SLC26A3: variants seen among roughly 807,000 people sequenced by gnomAD.
SLC26A3 encodes chloride anion exchanger.
Under a neutral mutation model 85.6 loss-of-function variants are expected in SLC26A3, and 64 were observed. That is an observed-to-expected ratio of 0.75 (90% CI 0.61 to 0.92). The LOEUF is 0.92. Ranked by LOEUF, SLC26A3 falls within the 40% of genes least tolerant of loss-of-function variation. The probability of loss-of-function intolerance (pLI) is 0.00; values close to 1 mark genes in which losing one functional copy is unlikely to be tolerated. For synonymous variants in SLC26A3, 349 were observed against 336.0 expected, an observed-to-expected ratio of 1.04 and a Z score of -0.42; for missense variants, 922 against 927.3, an observed-to-expected ratio of 0.99 and a Z score of 0.07.
intron 13 of SLC26A3, 39 bp from the exon 14 acceptor site, chr7:107,776,745 GT>G (rs1368662199): frequency 6.3e-7 from 1 of 1,585,108 alleles, no homozygotes; most frequent in Non-Finnish European, 8.7e-7. Flanking sequence ...ATTCATGTAT[GT>G]TTGTTAAGCC....
At chr7:107,788,743 C>T (rs1010170872) in intron 6 of SLC26A3, among the ~76,000 whole-genome samples, 1 of 147,880 alleles carries the variant, frequency 6.8e-6, no homozygotes, top group South Asian at 2.2e-4. Flanking sequence ...TCTTTTCTTT[C>T]GTTTCCTTTT....
chr7:107,773,777 C>G, intron 17 of SLC26A3, 143 bp downstream of exon 17: 1 of 706,032 alleles, frequency 1.4e-6, no homozygotes, highest in Middle Eastern at 2.8e-4. Context: ...TCTCGAAGTC[C>G]TGACCTCAGG....
intron 11 of SLC26A3, among the ~76,000 whole-genome samples, chr7:107,781,462 A>T (rs1316814132): frequency 6.6e-6 from 1 of 152,164 alleles, no homozygotes; most frequent in Non-Finnish European, 1.5e-5. Flanking sequence ...TTATTTCTTT[A>T]GTGTCTCCAA....
At chr7:107,774,437 TC>T (rs1291207403) in intron 16 of SLC26A3, among the ~76,000 whole-genome samples, 1 of 152,124 alleles carries the variant, frequency 6.6e-6, no homozygotes, top group Non-Finnish European at 1.5e-5. Flanking sequence ...GCTTGTAGTT[TC>T]AGCTACTTGG....
chr7:107,786,986 C>G, intron 7 of SLC26A3, 77 bp from the exon 8 acceptor site: 10 of 1,242,326 alleles, frequency 8.0e-6, no homozygotes, highest in Non-Finnish European at 1.2e-5. Context: ...AATAAATTGC[C>G]AAAACCCACT....
Position 107,789,707 on chromosome 7 carries a change from C to T in SLC26A3, c.571-19G>A. The T allele has an allele frequency of 3.7e-6, 6 of 1,608,608 alleles. No homozygotes were observed. In the South Asian group the frequency reaches 4.4e-5, roughly 12 times the overall value. On this transcript the variant is annotated intron_variant, in intron 5 of 20. Transcript: ENST00000340010. ...AAGCCAACTGGAAAGAGAACAAAAGCCTTTGTCAGCATAGATTAGGAGTAT... is the reference window on the plus strand; with the variant it reads ...AAGCCAACTGGAAAGAGAACAAAAGTCTTTGTCAGCATAGATTAGGAGTAT...
At position 107,778,235 on chromosome 7, in the gene SLC26A3, C is replaced by G. The variant is rs1479983912; in HGVS notation, c.1454G>C (p.Gly485Ala). 1.9e-6 allele frequency: 3 copies of G among 1,613,992 alleles called. No individual in the cohort carries two copies. Among genetic ancestry groups the G allele is most frequent in the Non-Finnish European group, 2.5e-6 (3 of 1,179,960 alleles). ...TGCCACACTAGCTGCCAGGCCTAACCCGAGTCCCAGGACAATGGTGAAGAT... is the reference window on the plus strand; with the variant it reads ...TGCCACACTAGCTGCCAGGCCTAACGCGAGTCCCAGGACAATGGTGAAGAT... ...TFIFTIVLGLGLGLAASVAFQ... is the reference protein window; with the variant it reads ...TFIFTIVLGLALGLAASVAFQ... The change falls in exon 13 of 21, where the codon GGG (glycine) becomes GCG (alanine). Residue 485 changes from glycine (G) to alanine (A), a missense_variant. Physicochemically the swap from Gly to Ala is moderately conservative, Grantham distance 60. Coordinates refer to ENST00000340010, the MANE Select transcript of SLC26A3 (RefSeq NM_000111.3).
chr7:107,787,539 G>A, intron 6 of SLC26A3, 30 bp from the exon 7 acceptor site: 5 of 1,597,052 alleles, frequency 3.1e-6, no homozygotes, highest in Non-Finnish European at 4.3e-6. Flanking sequence ...AACCACCAAA[G>A]CCCTATATTA....
intron 16 of SLC26A3, among the ~76,000 whole-genome samples, 179 bp from the exon 17 acceptor site, chr7:107,774,332 A>G (rs1794075885): frequency 6.6e-6 from 1 of 152,110 alleles, no homozygotes; most frequent in African/African-American, 2.4e-5. Flanking sequence ...TGGGAGGATC[A>G]CTTGAGCCCA....
chr7:107,767,083 C>G (rs1453993541), intron 20 of SLC26A3, among the ~76,000 whole-genome samples: 3 of 152,106 alleles, frequency 2.0e-5, no homozygotes, highest in Non-Finnish European at 4.4e-5. Context: ...AAATGGGACT[C>G]TCCAGTTAAA....
intron 20 of SLC26A3, among the ~76,000 whole-genome samples, chr7:107,766,358 C>T (rs1271424232): frequency 6.6e-6 from 1 of 152,156 alleles, no homozygotes; most frequent in African/African-American, 2.4e-5. Flanking sequence ...TACCCTTTAT[C>T]CTCCAATACT....
At position 107,785,894 on chromosome 7, in the gene SLC26A3, AAAAAC is replaced by A. The variant is rs531907273; in HGVS notation, c.971+928_971+932del. On this transcript the variant is annotated intron_variant, in intron 8 of 20. Transcript: ENST00000340010. ...ATAGAGAGGGAGAGAAGTCTTTTAA[AAAAAC>A]AAAACAAAACAAAACAAAACAGGAA... 3.2e-3 allele frequency among the ~76,000 whole-genome samples: 485 copies of A among 152,326 alleles called. 5 individuals carry two copies. The highest frequency in any genetic ancestry group is 4.6e-3 in the South Asian group (22 of 4,822).
intron 1 of SLC26A3, among the ~76,000 whole-genome samples, chr7:107,798,414 A>C (rs1794546340): frequency 6.6e-6 from 1 of 152,094 alleles, no homozygotes; most frequent in African/African-American, 2.4e-5. Flanking sequence ...ACTGGCCTCC[A>C]GTTACGAGAA....
intron 1 of SLC26A3, among the ~76,000 whole-genome samples, chr7:107,800,250 G>A (rs531301272): frequency 1.3e-5 from 2 of 152,294 alleles, no homozygotes; most frequent in South Asian, 2.1e-4. Flanking sequence ...ATTTTGGCAC[G>A]TTGGGAGACT....
At chr7:107,779,898 G>T in intron 11 of SLC26A3, 135 bp from the exon 12 acceptor site, 1 of 747,718 alleles carries the variant, frequency 1.3e-6, no homozygotes, top group Non-Finnish European at 2.3e-6. Flanking sequence ...CTTTTCCGGT[G>T]TGCGATGCCA....
rs890414709 is a variant in SLC26A3, at chr7:107,793,221, C to T, written c.271+521G>A. On this transcript the variant is annotated intron_variant, in intron 3 of 20. Transcript: ENST00000340010. ...AATATAGAGTTACCCTATGATCCAG[C>T]AATTACAATCCTAGTGATATACCCA... 1.5e-4 allele frequency among the ~76,000 whole-genome samples: 23 copies of T among 152,272 alleles called. No individual in the cohort carries two copies. In the Middle Eastern group the frequency reaches 0.01, roughly 68 times the overall value.
At chr7:107,780,110 G>A (rs545772053) in intron 11 of SLC26A3, among the ~76,000 whole-genome samples, 67 of 151,904 alleles carry the variant, frequency 4.4e-4, no homozygotes, top group African/African-American at 1.6e-3. Context: ...CCCAAGCAGA[G>A]ACAGTCTAAT....
chr7:107,774,833 T>A lies in SLC26A3; in HGVS notation c.1717A>T (p.Lys573Ter). 6.2e-7 allele frequency: 1 copy of A among 1,614,204 alleles called. No homozygotes were observed. Among genetic ancestry groups the A allele is most frequent in the South Asian group, 1.1e-5 (1 of 91,090 alleles). The change falls in exon 16 of 21, where the codon AAA becomes TAA. Residue 573 changes from lysine (K) to a stop codon, truncating the protein, a stop_gained. Transcript: ENST00000340010. LOFTEE classifies it high-confidence loss of function. ...AGTTTTCGGATTTTCCTCAAAGCTTTGTTGCGCTTGCGTAGAATTCGAAGT... is the reference window on the plus strand; with the variant it reads ...AGTTTTCGGATTTTCCTCAAAGCTTAGTTGCGCTTGCGTAGAATTCGAAGT... ...SPLRILRKRN[K>*]ALRKIRKLQK...
chr7:107,778,466 G>A (rs2115828441), intron 12 of SLC26A3, among the ~76,000 whole-genome samples, 185 bp from the exon 13 acceptor site: 1 of 148,912 alleles, frequency 6.7e-6, no homozygotes, highest in Middle Eastern at 3.5e-3. Context: ...TTGGGCCAGG[G>A]AGCAAAGTGC....
Sources: gnomAD v4.1 joint callset for allele counts (sites outside exome capture counted in the v4.1 genomes callset) on GRCh38, gnomAD v4.1.1 for gene constraint, MANE v1.5 for transcripts, NCBI Gene and HGNC (gene_info 2026-07-23, HGNC 2026-07-21) for gene names.